Variants in JAK1 observed in about 807,000 individuals in gnomAD.
The protein encoded by JAK1 is tyrosine-protein kinase JAK1.
JAK1 carries 16 observed loss-of-function variants against 136.6 expected under a neutral mutation model. The observed-to-expected ratio is 0.12, with a 90% CI of 0.08 to 0.18. The LOEUF (loss-of-function observed/expected upper bound fraction) is 0.18, where lower values mean the gene tolerates loss of function less well. JAK1 is among the 10% of genes least tolerant of loss of function. The probability of loss-of-function intolerance (pLI) is 1.00; values close to 1 mark genes in which losing one functional copy is unlikely to be tolerated. For missense variants in JAK1, 859 were observed against 1,450.1 expected, an observed-to-expected ratio of 0.59 and a Z score of 6.62; for synonymous variants, 492 against 519.5, an observed-to-expected ratio of 0.95 and a Z score of 0.72.
At chr1:64,954,379 T>C (rs1355919834) in intron 1 of JAK1, among the ~76,000 whole-genome samples, 1 of 152,208 alleles carries the variant, frequency 6.6e-6, no homozygotes, top group Non-Finnish European at 1.5e-5. Flanking sequence ...AATAGTCTCA[T>C]GCCCGTGCCC....
At chr1:65,009,728 G>GT (rs1182569896) in intron 2 of JAK1, among the ~76,000 whole-genome samples, 2 of 152,122 alleles carry the variant, frequency 1.3e-5, no homozygotes, top group Non-Finnish European at 2.9e-5. Context: ...GATAAATACT[G>GT]TTATTCTCCC....
chr1:64,885,431 A>G (rs1289474375), intron 2 of JAK1, among the ~76,000 whole-genome samples: 2 of 152,220 alleles, frequency 1.3e-5, no homozygotes, highest in Non-Finnish European at 2.9e-5. Context: ...ATGTAATTAT[A>G]TATTTACAGG....
At chr1:65,024,422 A>G in intron 2 of JAK1, among the ~76,000 whole-genome samples, 1 of 152,284 alleles carries the variant, frequency 6.6e-6, no homozygotes, top group African/African-American at 2.4e-5. Context: ...ATGTCTATTC[A>G]TAACATTTGC....
chr1:64,838,171 C>T (rs1327804768), intron 21 of JAK1, 67 bp from the exon 22 acceptor site: 18 of 1,431,086 alleles, frequency 1.3e-5, no homozygotes, highest in Non-Finnish European at 1.6e-5. Context: ...TCTATCACTT[C>T]ATCAGAAAAA....
At position 65,042,183 on chromosome 1, in the gene JAK1, AT is replaced by A. The variant is rs111995236; in HGVS notation, c.-78+2296del. On this transcript the variant is annotated intron_variant, in intron 2 of 25. Transcript: ENST00000671954. ...TAACAACTATTTACATAGCATTTAC[AT>A]TGTATTAGGTATTAGAGGCAGTCTA... is the stretch of plus-strand genomic sequence containing the variant. 8.3e-3 allele frequency among the ~76,000 whole-genome samples: 1,267 copies of A among 152,320 alleles called. 17 individuals carry two copies. The highest frequency in any genetic ancestry group is 0.029 in the African/African-American group (1,218 of 41,570).
At chr1:64,853,929 C>T (rs1655759989) in intron 11 of JAK1, among the ~76,000 whole-genome samples, 1 of 152,188 alleles carries the variant, frequency 6.6e-6, no homozygotes, top group Non-Finnish European at 1.5e-5. Context: ...GTTTCAGGAG[C>T]CTCAACTGGG....
chr1:65,018,480 G>C (rs1445959841), intron 2 of JAK1, among the ~76,000 whole-genome samples: 3 of 137,658 alleles, frequency 2.2e-5, no homozygotes, highest in Non-Finnish European at 4.6e-5. Flanking sequence ...GAGAGAGAGA[G>C]AGAGAGAACA....
intron 1 of JAK1, among the ~76,000 whole-genome samples, chr1:65,052,685 G>A (rs975325252): frequency 1.3e-5 from 2 of 151,876 alleles, no homozygotes; most frequent in Non-Finnish European, 2.9e-5. Context: ...GTGGTGGTGG[G>A]TGCCTGTAGT....
Position 64,869,487 on chromosome 1 carries a change from G to C in JAK1, c.484-13C>G, listed in dbSNP as rs773596607. 3 of 1,611,846 alleles carry C rather than the reference G, an allele frequency of 1.9e-6. No individual in the cohort carries two copies. The highest frequency in any genetic ancestry group is 2.5e-6 in the Non-Finnish European group (3 of 1,178,696). ...AATCATACTGTCCCTAGGAGCAAGG[G>C]GGAGAAACCATGAGAGCCCACCCGT... is the stretch of plus-strand genomic sequence containing the variant. On this transcript the variant is annotated splice_polypyrimidine_tract_variant and intron_variant, in intron 5 of 24. Coordinates refer to ENST00000342505, the MANE Select transcript of JAK1 (RefSeq NM_002227.4).
chr1:64,847,770 T>C (rs773336703), intron 12 of JAK1, 95 bp from the exon 13 acceptor site: 5 of 1,408,794 alleles, frequency 3.5e-6, no homozygotes, highest in Non-Finnish European at 4.9e-6. Context: ...GGACTATCAA[T>C]GGGATGGGGC....
intron 8 of JAK1, among the ~76,000 whole-genome samples, chr1:64,864,162 T>C (rs1278686412): frequency 6.6e-6 from 1 of 152,230 alleles, no homozygotes; most frequent in Admixed American, 6.5e-5. Context: ...CCACTCACCT[T>C]AAGAGTGCTA....
intron 1 of JAK1, among the ~76,000 whole-genome samples, chr1:65,064,656 G>A (rs1045598793): frequency 1.3e-5 from 2 of 151,992 alleles, no homozygotes; most frequent in Non-Finnish European, 1.5e-5. Flanking sequence ...CTTTGTCCAG[G>A]GTATCAGTCA....
chr1:64,926,280 C>T (rs982389793), intron 1 of JAK1, among the ~76,000 whole-genome samples: 7 of 152,092 alleles, frequency 4.6e-5, no homozygotes, highest in African/African-American at 1.7e-4. Flanking sequence ...TCTTTGCTCA[C>T]CTGATGGTGC....
rs564587581 is a variant in JAK1 at position 64,903,950 on chromosome 1, A to G, written c.-77-17609T>C. ...TCTTAGGAAAGTTAATGACTTGACT[A>G]CAAGTTCCTTGAGAGCAAAAACAAG... On this transcript the variant is annotated intron_variant, in intron 1 of 24. Coordinates refer to ENST00000342505, the MANE Select transcript of JAK1 (RefSeq NM_002227.4). Among the ~76,000 whole-genome samples the G allele has an allele frequency of 5.0e-4, 76 of 152,348 alleles. 2 individuals are homozygous for G. The South Asian group carries it at 0.015, about 30-fold the overall frequency.
chr1:64,888,460 G>A (rs900857238), intron 1 of JAK1, among the ~76,000 whole-genome samples: 17 of 152,198 alleles, frequency 1.1e-4, no homozygotes, highest in African/African-American at 3.4e-4. Flanking sequence ...GATTACAGGC[G>A]TGAGCCACCA....
At chr1:64,866,807 C>T (rs945771374) in intron 7 of JAK1, 59 bp downstream of exon 7, 1 of 1,284,424 alleles carries the variant, frequency 7.8e-7, no homozygotes, top group African/African-American at 1.5e-5. Flanking sequence ...GAAGGATAAA[C>T]AGCATACGCT....
At position 64,945,989 on chromosome 1, in the gene JAK1, G is replaced by A. The variant is rs187927862; in HGVS notation, c.-78+20344C>T. On this transcript the variant is annotated intron_variant, in intron 1 of 24. Coordinates refer to ENST00000342505, the MANE Select transcript of JAK1 (RefSeq NM_002227.4). ...TGACCTCAAGTGATCCACCCACCTC[G>A]GCCTTCCAGTGTGCTGGGATTACAG... Among the ~76,000 whole-genome samples the A allele has an allele frequency of 4.3e-3, 653 of 152,178 alleles. 6 individuals carry two copies. Among genetic ancestry groups the A allele is most frequent in the African/African-American group, 0.014 (589 of 41,520 alleles).
intron 11 of JAK1, 112 bp downstream of exon 11, chr1:64,855,397 G>C (rs1474445215): frequency 2.1e-6 from 2 of 964,966 alleles, no homozygotes; most frequent in Non-Finnish European, 3.0e-6. Context: ...AAAACACCTA[G>C]AAACTGTGGG....
At chr1:65,006,003 T>A (rs1646801047) in intron 2 of JAK1, among the ~76,000 whole-genome samples, 1 of 152,192 alleles carries the variant, frequency 6.6e-6, no homozygotes, top group African/African-American at 2.4e-5. Flanking sequence ...TTTTAGGACA[T>A]CTCACAATTA....
Sources: allele counts gnomAD v4.1 joint callset (sites outside exome capture counted in the v4.1 genomes callset), GRCh38; gene constraint gnomAD v4.1.1; transcripts MANE v1.5; gene names NCBI Gene and HGNC (gene_info 2026-07-23, HGNC 2026-07-21).